The following SLFN11 variants were observed in gnomAD, a reference collection of about 807,000 sequenced individuals.
The protein encoded by SLFN11 is schlafen family member 11.
Under a neutral mutation model 53.4 loss-of-function variants are expected in SLFN11, and 43 were observed. The ratio of observed to expected loss-of-function variants is 0.80; its 90% CI spans 0.63 to 1.04. The LOEUF is 1.04. Among genes scored for constraint, SLFN11 ranks in the 50% least tolerant of loss-of-function variants. The pLI, the probability that SLFN11 is intolerant of heterozygous loss-of-function variation, is 0.00. For missense variants in SLFN11, 990 were observed against 1,079.1 expected (o/e 0.92, Z 1.16); for synonymous variants, 389 against 394.7 (o/e 0.99, Z 0.17).
rs375529130 is a variant in SLFN11, at chr17:35,363,790, G to C, written c.18C>G (p.Cys6Trp). 6.3e-7 allele frequency: 1 copy of C among 1,578,094 alleles called. No homozygotes were observed. The highest frequency in any genetic ancestry group is 1.2e-5 in the South Asian group (1 of 84,220). The change falls in exon 4 of 7, where the codon TGC becomes TGG. Residue 6 changes from cysteine to tryptophan, a missense_variant. Around this residue, in one of 3 missense-constraint regions of SLFN11, gnomAD observed 521 missense variants for 516.2 expected, o/e 1.01. Transcript: ENST00000685675. ...GGTAAGATGGTTCCACAACCAGGGG[G>C]CACTGATTTGCCTCCATGTTGAACT... MEANQ[C>W]PLVVEPSYPD...
At chr17:35,371,992 A>T (rs558899114) in intron 1 of SLFN11, among the ~76,000 whole-genome samples, 60 of 152,164 alleles carry the variant, frequency 3.9e-4, no homozygotes, top group Non-Finnish European at 3.7e-4. Context: ...AAGAAAGGAA[A>T]TCAGTATATC....
At chr17:35,369,838 A>G (rs1023642911) in intron 1 of SLFN11, among the ~76,000 whole-genome samples, 8 of 152,200 alleles carry the variant, frequency 5.3e-5, no homozygotes, top group African/African-American at 1.7e-4. Flanking sequence ...ACCCGCACAA[A>G]CCAATAAGAA....
At chr17:35,354,916 G>A (rs967516695) in intron 5 of SLFN11, among the ~76,000 whole-genome samples, 3 of 151,962 alleles carry the variant, frequency 2.0e-5, no homozygotes, top group African/African-American at 7.2e-5. Flanking sequence ...ATTGTTGCTA[G>A]TGCTTTCTCA....
chr17:35,356,987 G>T (rs190687824), intron 5 of SLFN11, among the ~76,000 whole-genome samples: 4 of 152,036 alleles, frequency 2.6e-5, no homozygotes, highest in Non-Finnish European at 5.9e-5. Context: ...ATAATGTCAG[G>T]TTTTTTCATT....
chr17:35,352,873 A>G lies in SLFN11; in HGVS notation c.2189T>C (p.Ile730Thr). 2.5e-6 allele frequency: 4 copies of G among 1,614,130 alleles called. No homozygotes were observed. The highest frequency in any genetic ancestry group is 3.4e-6 in the Non-Finnish European group (4 of 1,180,026). The change falls in exon 7 of 7, where the codon ATA becomes ACA. Residue 730 changes from isoleucine (I) to threonine (T), a missense_variant. Ile to Thr is a moderately conservative substitution (Grantham distance 89). Coordinates refer to ENST00000685675, the MANE Select transcript of SLFN11 (RefSeq NM_001376007.1). ...DQYPREELTR[I>T]VRNADPIAKY... is the part of the protein sequence containing the mutation. ...GGCTATTGGATCTGCATTGCGAACT[A>G]TTCTGGTGAGCTCTTCTCTTGGATA...
In SLFN11 at chr17:35,352,706, C is replaced by T; in HGVS notation, c.2356G>A (p.Glu786Lys). 6.2e-7 allele frequency: 1 copy of T among 1,614,194 alleles called. No homozygotes were observed. The highest frequency in any genetic ancestry group is 1.7e-5 in the Admixed American group (1 of 60,028). ...TLRIKKYLTV[E>K]QIMTCVADTC... ...TCTGCCACACAGGTCATTATTTGCT[C>T]CACAGTCAAGTATTTCTTAATTCGT... The change falls in exon 7 of 7, where the codon GAG becomes AAG. Residue 786 changes from glutamate (E) to lysine (K), a missense_variant. Physicochemically the swap from Glu to Lys is moderately conservative, Grantham distance 56. Coordinates refer to ENST00000685675, the MANE Select transcript of SLFN11 (RefSeq NM_001376007.1).
At chr17:35,357,391 A>T (rs2141945022) in intron 5 of SLFN11, among the ~76,000 whole-genome samples, 1 of 152,034 alleles carries the variant, frequency 6.6e-6, no homozygotes, top group South Asian at 2.1e-4. Flanking sequence ...GATTTTTTTA[A>T]GTCTAACGCA....
chr17:35,353,203 A>G, intron 6 of SLFN11, 64 bp from the exon 7 acceptor site: 2 of 1,592,222 alleles, frequency 1.3e-6, no homozygotes, highest in Non-Finnish European at 1.7e-6. Context: ...AAATAATTGT[A>G]TCATGTTCCT....
chr17:35,353,005 C>T lies in SLFN11; in HGVS notation c.2057G>A (p.Ser686Asn). The T allele has an allele frequency of 6.2e-7, 1 of 1,613,574 alleles. No homozygotes were observed. Among genetic ancestry groups the T allele is most frequent in the East Asian group, 2.2e-5 (1 of 44,874 alleles). Reference sequence around the variant, plus strand: ...GCCACCCTTTGCTCTCCGAGTGATGCTTTTTGCCTTCCCATACCAGTCCCC... The same window carrying T: ...GCCACCCTTTGCTCTCCGAGTGATGTTTTTTGCCTTCCCATACCAGTCCCC... ...EDGDWYGKAK[S>N]ITRRAKGGPG... The change falls in exon 7 of 7, where the codon AGC becomes AAC. Residue 686 changes from serine to asparagine, a missense_variant. Physicochemically the swap from Ser to Asn is conservative, Grantham distance 46. Transcript: ENST00000685675.
At chr17:35,370,464 A>G (rs755165916) in intron 1 of SLFN11, among the ~76,000 whole-genome samples, 3 of 151,952 alleles carry the variant, frequency 2.0e-5, no homozygotes, top group Non-Finnish European at 4.4e-5. Context: ...CAACATAGAA[A>G]TCCTAGCTAG....
chr17:35,370,848 T>C (rs1909560949), intron 1 of SLFN11, among the ~76,000 whole-genome samples: 1 of 152,116 alleles, frequency 6.6e-6, no homozygotes, highest in Non-Finnish European at 1.5e-5. Flanking sequence ...AATATACCCA[T>C]GTTCATGGAT....
In SLFN11 at chr17:35,353,534, T is replaced by C. The variant is rs2141926371; in HGVS notation, c.1724A>G (p.Asn575Ser). 2 of 1,413,298 alleles carry C rather than the reference T, an allele frequency of 1.4e-6. No homozygotes were observed. Among genetic ancestry groups the C allele is most frequent in the Admixed American group, 2.4e-5 (1 of 41,548 alleles). 87.5% of individuals were successfully genotyped at this position (1,413,298 alleles called of 1,614,324 possible). The change falls in exon 6 of 7, where the codon AAT (asparagine) becomes AGT (serine). Residue 575 changes from asparagine to serine, a missense_variant. Physicochemically the swap from Asn to Ser is conservative, Grantham distance 46. Coordinates refer to ENST00000685675, the MANE Select transcript of SLFN11 (RefSeq NM_001376007.1). ...CTCATACTGCTGGGCTGTGAGCAGA[T>C]TTAAAACCTCACAGCCGAGCTGGTC... ...LSDQLGCEVL[N>S]LLTAQQYEIF...
Position 35,352,936 on chromosome 17 carries a change from T to A in SLFN11, c.2126A>T (p.His709Leu). The A allele has an allele frequency of 1.2e-6, 2 of 1,614,218 alleles. No individual in the cohort carries two copies. Among genetic ancestry groups the A allele is most frequent in the East Asian group, 2.2e-5 (1 of 44,880 alleles). Residue 709 changes from histidine to leucine, a missense_variant, in exon 7 of 7, where the codon CAC becomes CTC. Physicochemically the swap from His to Leu is moderately conservative, Grantham distance 99 (BLOSUM62 -3). This residue lies in a region of SLFN11 where 313 missense variants were observed against 320.9 expected (regional missense o/e 0.98). Transcript: ENST00000685675. ...AGGAGGGAGGCCACTGCAATCCAAG[T>A]GGCTGGTCTGAAAGTAATCCAGAAA... The part of the protein sequence containing the change: ...WIFLDYFQTS[H>L]LDCSGLPPLS...
In SLFN11 at chr17:35,352,616, C is replaced by T. The variant is rs147085136; in HGVS notation, c.2446G>A (p.Ala816Thr). 2.4e-4 allele frequency: 393 copies of T among 1,614,174 alleles called. 3 individuals carry two copies. The East Asian group carries it at 7.7e-3, about 32-fold the overall frequency. ...PKDVAVLVST[A>T]KEVEHYKYEL... is the part of the protein sequence containing the mutation. ...TACTTATAGTGCTCCACTTCTTTTGCGGTGCTGACAAGCACAGCAACATCC... is the reference window on the plus strand; with the variant it reads ...TACTTATAGTGCTCCACTTCTTTTGTGGTGCTGACAAGCACAGCAACATCC... The change falls in exon 7 of 7, where the codon GCA becomes ACA. Residue 816 changes from alanine (A) to threonine (T), a missense_variant. Physicochemically the swap from Ala to Thr is moderately conservative, Grantham distance 58 (BLOSUM62 0). Coordinates refer to ENST00000685675, the MANE Select transcript of SLFN11 (RefSeq NM_001376007.1).
intron 5 of SLFN11, among the ~76,000 whole-genome samples, chr17:35,357,816 A>T (rs1056956788): frequency 6.9e-5 from 10 of 144,052 alleles, no homozygotes; most frequent in African/African-American, 1.7e-4. Flanking sequence ...TAAAGATTTT[A>T]AAAAACAAAT....
In SLFN11 at chr17:35,350,510, A is replaced by T. The variant is rs1223739888; in HGVS notation, c.*1846T>A. On this transcript the variant is annotated 3_prime_UTR_variant, in exon 7 of 7. Transcript: ENST00000685675. ...GGGGCAATAAATCATAAAGAGATACAACCAGTCGAAATTAGACTTTTAAAG... is the reference window on the plus strand; with the variant it reads ...GGGGCAATAAATCATAAAGAGATACTACCAGTCGAAATTAGACTTTTAAAG... 6.6e-6 allele frequency: 1 copy of T among 152,210 alleles called. No individual in the cohort carries two copies. Among genetic ancestry groups the T allele is most frequent in the African/African-American group, 2.4e-5 (1 of 41,440 alleles). 9.4% of individuals were successfully genotyped at this position (152,210 alleles called of 1,614,324 possible).
At chr17:35,357,780 GAAAT>G (rs1907705119) in intron 5 of SLFN11, among the ~76,000 whole-genome samples, 1 of 136,226 alleles carries the variant, frequency 7.3e-6, no homozygotes, top group Admixed American at 7.4e-5. Context: ...ATATAAATAT[GAAAT>G]AATAAACATA....
chr17:35,363,436 G>T lies in SLFN11; in HGVS notation c.372C>A (p.Arg124=). 1 of 1,613,974 alleles carries T rather than the reference G, an allele frequency of 6.2e-7. No individual in the cohort carries two copies. The highest frequency in any genetic ancestry group is 8.5e-7 in the Non-Finnish European group (1 of 1,179,984). Residue 124 remains arginine, a synonymous_variant, in exon 4 of 7, where the codon CGC becomes CGA. Transcript: ENST00000685675. ...PFPEDRSVKP[R]LCSLSSSLYR... ...ATAATGAAGAACTGAGGCTGCAAAG[G>T]CGGGGCTTGACAGAGCGATCTTCAG...
At chr17:35,357,882 A>C (rs1273276107) in intron 5 of SLFN11, among the ~76,000 whole-genome samples, 6 of 146,070 alleles carry the variant, frequency 4.1e-5, no homozygotes, top group African/African-American at 1.5e-4. Context: ...TTATATATCT[A>C]TATATTATAG....
Sources: allele counts gnomAD v4.1 joint callset (sites outside exome capture counted in the v4.1 genomes callset), GRCh38; gene constraint gnomAD v4.1.1; regional missense constraint gnomAD v4.1.1; transcripts MANE v1.5; gene names NCBI Gene and HGNC (gene_info 2026-07-23, HGNC 2026-07-21).